Variants in NLK observed in about 807,000 individuals in gnomAD.
NLK encodes the protein nemo like kinase, also known as serine/threonine-protein kinase NLK.
Under a neutral mutation model 59.0 loss-of-function variants are expected in NLK, and 11 were observed. The ratio of observed to expected loss-of-function variants is 0.19; its 90% confidence interval spans 0.12 to 0.31. NLK has a LOEUF of 0.31. Among genes scored for constraint, NLK ranks in the 10% least tolerant of loss-of-function variants. The pLI, the probability that NLK is intolerant of heterozygous loss-of-function variation, is 1.00. For synonymous variants in NLK, 235 were observed against 235.9 expected (o/e 1.00, Z 0.03); for missense variants, 410 against 661.1 (o/e 0.62, Z 4.16).
At chr17:28,063,405 G>A (rs532314683) in intron 1 of NLK, among the ~76,000 whole-genome samples, 1 of 151,956 alleles carries the variant, frequency 6.6e-6, no homozygotes, top group East Asian at 1.9e-4. Flanking sequence ...ATTTAAAATC[G>A]AGGATGATTT....
chr17:28,075,896 G>A (rs1910148543), intron 1 of NLK, among the ~76,000 whole-genome samples: 1 of 152,032 alleles, frequency 6.6e-6, no homozygotes, highest in Admixed American at 6.6e-5. Flanking sequence ...AATGGGGTGG[G>A]ATATAGATAA....
chr17:28,073,987 A>G (rs1910093234), intron 1 of NLK, among the ~76,000 whole-genome samples: 1 of 152,238 alleles, frequency 6.6e-6, no homozygotes, highest in South Asian at 2.1e-4. Flanking sequence ...TTAAGCTTCT[A>G]GCTAGGACTG....
intron 1 of NLK, among the ~76,000 whole-genome samples, chr17:28,062,262 A>C (rs1909687466): frequency 6.6e-6 from 1 of 152,066 alleles, no homozygotes; most frequent in African/African-American, 2.4e-5. Flanking sequence ...TCAGACTTTT[A>C]TTGCCCTCAT....
chr17:28,111,066 G>T (rs911811561), intron 1 of NLK, among the ~76,000 whole-genome samples: 1 of 152,058 alleles, frequency 6.6e-6, no homozygotes, highest in African/African-American at 2.4e-5. Flanking sequence ...GGATGGTCTC[G>T]ATCTCCTGAC....
At chr17:28,106,792 C>T (rs1478679134) in intron 1 of NLK, among the ~76,000 whole-genome samples, 1 of 152,060 alleles carries the variant, frequency 6.6e-6, no homozygotes, top group Non-Finnish European at 1.5e-5. Flanking sequence ...ACTTGAAAGA[C>T]ATAAAAAATC....
At chr17:28,105,599 G>T (rs1905049697) in intron 1 of NLK, among the ~76,000 whole-genome samples, 1 of 152,146 alleles carries the variant, frequency 6.6e-6, no homozygotes, top group Non-Finnish European at 1.5e-5. Flanking sequence ...ATTGATTTGG[G>T]AAAAAGTAAG....
At chr17:28,078,210 T>C (rs1910231469) in intron 1 of NLK, among the ~76,000 whole-genome samples, 1 of 152,208 alleles carries the variant, frequency 6.6e-6, no homozygotes, top group Non-Finnish European at 1.5e-5. Flanking sequence ...TTTAGATCAT[T>C]GCATATCCAG....
rs35542555 is a variant in NLK at position 28,043,715 on chromosome 17, G to A, written c.458+384G>A. ...GCATTAAGTGTTAGCACCTGATCCA[G>A]ACTGAATTCCTTTATAATACTCTTG... On this transcript the variant is annotated intron_variant, in intron 1 of 10. Transcript: ENST00000407008. 5.9e-3 allele frequency among the ~76,000 whole-genome samples: 892 copies of A among 152,302 alleles called. 10 individuals carry two copies. The highest frequency in any genetic ancestry group is 0.021 in the African/African-American group (853 of 41,558).
Position 28,195,011 on chromosome 17 carries a change from AC to A in NLK, c.*376del. On this transcript the variant is annotated 3_prime_UTR_variant, in exon 11 of 11. Coordinates refer to ENST00000407008, the MANE Select transcript of NLK (RefSeq NM_016231.5). ...CACACACACACACACACACACACAC[AC>A]ACAAACACAAAGGACAGTCATACAT... The A allele has an allele frequency of 6.1e-6, 1 of 164,410 alleles. No homozygotes were observed. Among genetic ancestry groups the A allele is most frequent in the Non-Finnish European group, 1.3e-5 (1 of 75,932 alleles). 10.2% of individuals were successfully genotyped at this position (164,410 alleles called of 1,614,324 possible).
intron 3 of NLK, among the ~76,000 whole-genome samples, chr17:28,157,391 A>G (rs1249203514): frequency 1.3e-5 from 2 of 152,030 alleles, no homozygotes; most frequent in African/African-American, 4.8e-5. Context: ...GGGTTTCACC[A>G]TGTTGGCCAG....
At chr17:28,094,004 CTA>C (rs1324067062) in intron 1 of NLK, among the ~76,000 whole-genome samples, 5 of 152,090 alleles carry the variant, frequency 3.3e-5, no homozygotes, top group African/African-American at 2.4e-5. Flanking sequence ...AAAAAAATGA[CTA>C]TTATTTAATA....
At chr17:28,129,882 A>G (rs2142019895) in intron 2 of NLK, among the ~76,000 whole-genome samples, 1 of 152,332 alleles carries the variant, frequency 6.6e-6, no homozygotes, top group Middle Eastern at 3.4e-3. Flanking sequence ...ACCAGTTTAT[A>G]GTGAATCTTC....
chr17:28,106,220 T>A (rs1201829438), intron 1 of NLK, among the ~76,000 whole-genome samples: 1 of 152,216 alleles, frequency 6.6e-6, no homozygotes, highest in Non-Finnish European at 1.5e-5. Context: ...ATTTTGCATA[T>A]TCAGAACTTA....
At chr17:28,130,867 G>A (rs1026361338) in intron 2 of NLK, among the ~76,000 whole-genome samples, 2 of 151,900 alleles carry the variant, frequency 1.3e-5, no homozygotes, top group Non-Finnish European at 2.9e-5. Context: ...AATATAGCTG[G>A]CTAATTATAG....
intron 1 of NLK, among the ~76,000 whole-genome samples, chr17:28,093,580 G>A (rs1428831140): frequency 6.6e-6 from 1 of 152,200 alleles, no homozygotes; most frequent in Non-Finnish European, 1.5e-5. Flanking sequence ...AGGGAGAGCA[G>A]TCTGGTATAG....
intron 8 of NLK, 199 bp from the exon 9 acceptor site, chr17:28,190,822 T>C (rs2142073532): frequency 2.1e-6 from 1 of 478,710 alleles, no homozygotes; most frequent in South Asian, 4.4e-5. Flanking sequence ...TGGTAGATAA[T>C]AACAGTAGTT....
At chr17:28,184,352 C>T (rs1263016481) in intron 7 of NLK, among the ~76,000 whole-genome samples, 1 of 152,096 alleles carries the variant, frequency 6.6e-6, no homozygotes, top group Non-Finnish European at 1.5e-5. Flanking sequence ...CTTTTCTCTC[C>T]CACCCCTAGG....
At chr17:28,112,120 G>A (rs1905551039) in intron 1 of NLK, among the ~76,000 whole-genome samples, 1 of 152,060 alleles carries the variant, frequency 6.6e-6, no homozygotes, top group South Asian at 2.1e-4. Flanking sequence ...CCAGGACTGT[G>A]TGGGGGAGTT....
At chr17:28,161,038 T>G in intron 3 of NLK, 122 bp from the exon 4 acceptor site, 1 of 622,528 alleles carries the variant, frequency 1.6e-6, no homozygotes, top group Non-Finnish European at 2.9e-6. Flanking sequence ...TCACGCTGTC[T>G]AGAAGCTTTC....
Sources: allele counts gnomAD v4.1 joint callset (sites outside exome capture counted in the v4.1 genomes callset), GRCh38; gene constraint gnomAD v4.1.1; transcripts MANE v1.5; gene names NCBI Gene and HGNC (gene_info 2026-07-23, HGNC 2026-07-21).